CFAP77: variants seen among roughly 807,000 people sequenced by gnomAD.
CFAP77 encodes cilia- and flagella-associated protein 77.
Under a neutral mutation model 31.1 loss-of-function variants are expected in CFAP77, and 25 were observed. The observed-to-expected ratio is 0.80, with a 90% CI of 0.59 to 1.12. The LOEUF (loss-of-function observed/expected upper bound fraction) is 1.12, where lower values mean the gene tolerates loss of function less well. CFAP77 is among the 50% of genes most tolerant of loss of function. The pLI is 0.00. For synonymous variants in CFAP77, 151 were observed against 159.9 expected (o/e 0.94, Z 0.42); for missense variants, 377 against 397.3 (o/e 0.95, Z 0.44).
chr9:132,412,325 G>C (rs185697527), intron 1 of CFAP77, among the ~76,000 whole-genome samples: 2 of 152,314 alleles, frequency 1.3e-5, no homozygotes, highest in East Asian at 3.9e-4. Context: ...CTTCCACCAG[G>C]GACAGCCAGG....
At position 132,549,305 on chromosome 9, in the gene CFAP77, G is replaced by A. The variant is rs1160409119; in HGVS notation, c.732+6258G>A. Among the ~76,000 whole-genome samples the A allele has an allele frequency of 3.9e-5, 6 of 152,194 alleles. No homozygotes were observed. In the South Asian group the frequency reaches 1.0e-3, roughly 26 times the overall value. On this transcript the variant is annotated intron_variant, in intron 5 of 5. Coordinates refer to ENST00000393216, the MANE Select transcript of CFAP77 (RefSeq NM_001282957.2). Reference sequence around the variant, plus strand: ...GCCAGATCTACGGCCCCTCCCAAGGGTCTCTGCACCAGTGATGTATTTTAA... The same window carrying A: ...GCCAGATCTACGGCCCCTCCCAAGGATCTCTGCACCAGTGATGTATTTTAA...
At position 132,498,389 on chromosome 9, in the gene CFAP77, C is replaced by T. The variant is rs936437470; in HGVS notation, c.196-306C>T. On this transcript the variant is annotated intron_variant, in intron 1 of 5. Coordinates refer to ENST00000393216, the MANE Select transcript of CFAP77 (RefSeq NM_001282957.2). This position sits in a 1 kb window ranked among gnomAD's most constrained non-coding sequence, Gnocchi z 4.2. ...GGTCTAGGCTGCACCCCAAACACAGCGGCTCAGCTCGGGGACTGTGCTCCC... is the reference window on the plus strand; with the variant it reads ...GGTCTAGGCTGCACCCCAAACACAGTGGCTCAGCTCGGGGACTGTGCTCCC... Among the ~76,000 whole-genome samples, 6 of 152,178 alleles carry T rather than the reference C, an allele frequency of 3.9e-5. No individual in the cohort carries two copies. The highest frequency in any genetic ancestry group is 4.8e-5 in the African/African-American group (2 of 41,434).
chr9:132,431,205 C>T (rs1850404683), intron 1 of CFAP77, among the ~76,000 whole-genome samples: 2 of 152,238 alleles, frequency 1.3e-5, no homozygotes, highest in African/African-American at 4.8e-5. Context: ...TAGACATGAA[C>T]TTCCGTCCAC....
In CFAP77 at chr9:132,529,520, C is replaced by CAA. The variant is rs376224942; in HGVS notation, c.525-8072_525-8071dup. 1.1e-3 allele frequency among the ~76,000 whole-genome samples: 133 copies of CAA among 123,432 alleles called. 3 individuals carry two copies. The highest frequency in any genetic ancestry group is 3.3e-3 in the African/African-American group (115 of 34,626). The allele number at this position is 123,432 out of a possible 152,430, so 81.0% of individuals were successfully genotyped here. ...CTTAGAGTATAATAAAAAAAAAAAACAAAAAAAAAACTAAACACATACTTG... is the reference window on the plus strand; with the variant it reads ...CTTAGAGTATAATAAAAAAAAAAAACAAAAAAAAAAAACTAAACACATACTTG... On this transcript the variant is annotated intron_variant, in intron 3 of 5. Transcript: ENST00000393216.
At chr9:132,483,752 A>C (rs1319850984) in intron 1 of CFAP77, among the ~76,000 whole-genome samples, 1 of 152,106 alleles carries the variant, frequency 6.6e-6, no homozygotes, top group Non-Finnish European at 1.5e-5. Context: ...ACCTCAGCAC[A>C]GTCTCAGAAG....
intron 1 of CFAP77, among the ~76,000 whole-genome samples, chr9:132,477,528 GT>G (rs1851369507): frequency 6.6e-6 from 1 of 152,196 alleles, no homozygotes; most frequent in Non-Finnish European, 1.5e-5. Context: ...GGGAGGTCGG[GT>G]CAGGAAGGGT....
rs575424417 is a variant in CFAP77 at position 132,539,670 on chromosome 9, G to A, written c.630+1964G>A. Among the ~76,000 whole-genome samples, 1 of 152,308 alleles carries A rather than the reference G, an allele frequency of 6.6e-6. No homozygotes were observed. Among genetic ancestry groups the A allele is most frequent in the African/African-American group, 2.4e-5 (1 of 41,576 alleles). On this transcript the variant is annotated intron_variant, in intron 4 of 5. Coordinates refer to ENST00000393216, the MANE Select transcript of CFAP77 (RefSeq NM_001282957.2). This position sits in a 1 kb window ranked among gnomAD's most constrained non-coding sequence, Gnocchi z 4.3. ...GGAGGGGTGCACGAAGTGGGAGGCTGAGGATTTCCAGGCGTGGCGGGTGCC... is the reference window on the plus strand; with the variant it reads ...GGAGGGGTGCACGAAGTGGGAGGCTAAGGATTTCCAGGCGTGGCGGGTGCC...
At chr9:132,489,908 G>A (rs938942576) in intron 1 of CFAP77, among the ~76,000 whole-genome samples, 2 of 152,138 alleles carry the variant, frequency 1.3e-5, no homozygotes, top group African/African-American at 4.8e-5. Flanking sequence ...GTTACCAAAC[G>A]TCCTAGTGTG....
At chr9:132,566,202 A>G (rs1233792384) in intron 5 of CFAP77, among the ~76,000 whole-genome samples, 1 of 152,286 alleles carries the variant, frequency 6.6e-6, no homozygotes, top group East Asian at 1.9e-4. Context: ...CGGCGGAGCC[A>G]TGACCTTGCA....
intron 3 of CFAP77, among the ~76,000 whole-genome samples, chr9:132,514,431 C>T (rs961936705): frequency 2.0e-5 from 3 of 152,240 alleles, no homozygotes; most frequent in Admixed American, 2.0e-4. Flanking sequence ...AACACCCAGT[C>T]TGTGGGGTCT....
At chr9:132,544,592 T>C (rs1347467918) in intron 5 of CFAP77, among the ~76,000 whole-genome samples, 1 of 150,554 alleles carries the variant, frequency 6.6e-6, no homozygotes, top group Non-Finnish European at 1.5e-5. Flanking sequence ...CTTCCCAGGC[T>C]CAGGTGTTCC....
At chr9:132,567,569 G>A (rs1007116859) in intron 5 of CFAP77, among the ~76,000 whole-genome samples, 6 of 152,156 alleles carry the variant, frequency 3.9e-5, no homozygotes, top group African/African-American at 9.7e-5. Flanking sequence ...ACCCACCATC[G>A]CTGCATGCTG....
Position 132,499,705 on chromosome 9 carries a change from C to A in CFAP77, c.524+105C>A, listed in dbSNP as rs1265889168. ...ACAGGGAAGTGGAGCATCCTCCCAG[C>A]CCCACTGTCCTCTCTTCAATGACTC... On this transcript the variant is annotated intron_variant, in intron 3 of 5. Coordinates refer to ENST00000393216, the MANE Select transcript of CFAP77 (RefSeq NM_001282957.2). The surrounding 1 kb of genome is among the most constrained non-coding windows in gnomAD (Gnocchi z 5.4). 9 of 951,090 alleles carry A rather than the reference C, an allele frequency of 9.5e-6. No individual in the cohort carries two copies. The highest frequency in any genetic ancestry group is 7.6e-5 in the East Asian group (3 of 39,304). The allele number at this position is 951,090 out of a possible 1,614,324, so 58.9% of individuals were successfully genotyped here. A position where few individuals can be genotyped will look rare whatever the true frequency, so the allele number is the denominator to read the frequency against.
chr9:132,567,211 T>C (rs554097187), intron 5 of CFAP77, among the ~76,000 whole-genome samples: 1 of 152,260 alleles, frequency 6.6e-6, no homozygotes, highest in East Asian at 1.9e-4. Context: ...TGGTTAGTCA[T>C]TGGGAGGAGC....
Position 132,545,811 on chromosome 9 carries a change from G to A in CFAP77, c.732+2764G>A, listed in dbSNP as rs1223266134. Among the ~76,000 whole-genome samples, 1 of 152,154 alleles carries A rather than the reference G, an allele frequency of 6.6e-6. No individual in the cohort carries two copies. Among genetic ancestry groups the A allele is most frequent in the East Asian group, 1.9e-4 (1 of 5,196 alleles). ...TGACATGGAAACTGAGGCTTGGAGA[G>A]GTGAGAAGTGGAGTCTGGGTCCAAT... is the stretch of plus-strand genomic sequence containing the variant. On this transcript the variant is annotated intron_variant, in intron 5 of 5. Transcript: ENST00000393216. This position sits in a 1 kb window ranked among gnomAD's most constrained non-coding sequence, Gnocchi z 4.6.
chr9:132,466,508 C>T (rs561842887), intron 1 of CFAP77, among the ~76,000 whole-genome samples: 39 of 152,290 alleles, frequency 2.6e-4, no homozygotes, highest in Non-Finnish European at 4.3e-4. Context: ...GAACAAATGT[C>T]GCATTGCCCT....
Position 132,511,912 on chromosome 9 carries a change from G to T in CFAP77, c.524+12312G>T, listed in dbSNP as rs1852048542. 6.6e-6 allele frequency among the ~76,000 whole-genome samples: 1 copy of T among 152,056 alleles called. No homozygotes were observed. The highest frequency in any genetic ancestry group is 1.5e-5 in the Non-Finnish European group (1 of 67,998). On this transcript the variant is annotated intron_variant, in intron 3 of 5. Transcript: ENST00000393216. The surrounding 1 kb of genome is among the most constrained non-coding windows in gnomAD (Gnocchi z 5.8). ...CTACCAAAGATACAAAAATTAGCTG[G>T]GTGTGGTGGCACACACCTGTCATCT...
chr9:132,447,389 A>T (rs1301504926), intron 1 of CFAP77, among the ~76,000 whole-genome samples: 1 of 152,198 alleles, frequency 6.6e-6, no homozygotes, highest in Non-Finnish European at 1.5e-5. Flanking sequence ...AAGTCATATT[A>T]TTCAAATCCC....
intron 3 of CFAP77, among the ~76,000 whole-genome samples, chr9:132,508,102 A>G (rs1851966021): frequency 4.6e-5 from 7 of 152,202 alleles, no homozygotes; most frequent in Admixed American, 2.6e-4. Context: ...GGGCCCTTTA[A>G]GACTTTGAGA....
Sources: allele counts gnomAD v4.1 joint callset (sites outside exome capture counted in the v4.1 genomes callset), GRCh38; gene constraint gnomAD v4.1.1; non-coding constraint Gnocchi (gnomAD v3.1); transcripts MANE v1.5; gene names NCBI Gene and HGNC (gene_info 2026-07-23, HGNC 2026-07-21).